TMPRSS15: variants seen among roughly 807,000 people sequenced by gnomAD.
The protein encoded by TMPRSS15 is enteropeptidase.
A neutral mutation model predicts 125.3 loss-of-function variants in TMPRSS15; 128 were observed. That is an observed-to-expected ratio of 1.02 (90% confidence interval 0.89 to 1.18). The LOEUF (loss-of-function observed/expected upper bound fraction) is 1.18. Ranked by LOEUF, TMPRSS15 falls within the 50% of genes most tolerant of loss-of-function variation. The pLI, the probability that TMPRSS15 is intolerant of heterozygous loss-of-function variation, is 0.00. For missense variants in TMPRSS15, 1,283 were observed against 1,212.7 expected (o/e 1.06, Z -0.86); for synonymous variants, 446 against 423.2 (o/e 1.05, Z -0.66).
intron 14 of TMPRSS15, among the ~76,000 whole-genome samples, chr21:18,331,860 G>A (rs1000960996): frequency 2.0e-5 from 3 of 152,156 alleles, no homozygotes; most frequent in Admixed American, 2.0e-4. Context: ...GGAAATGAAT[G>A]AAATAATGTA....
intron 18 of TMPRSS15, among the ~76,000 whole-genome samples, chr21:18,311,538 A>G (rs1046182352): frequency 6.6e-6 from 1 of 152,196 alleles, no homozygotes; most frequent in Non-Finnish European, 1.5e-5. Flanking sequence ...CCACAATGAG[A>G]TATCTCTCAC....
intron 1 of TMPRSS15, among the ~76,000 whole-genome samples, chr21:18,430,531 A>G (rs1261213179): frequency 1.3e-5 from 2 of 152,264 alleles, no homozygotes; most frequent in East Asian, 3.9e-4. Context: ...AGCTTGTCCA[A>G]CTAGTGTGGC....
chr21:18,331,811 G>A (rs527873446), intron 14 of TMPRSS15, among the ~76,000 whole-genome samples: 48 of 152,216 alleles, frequency 3.2e-4, no homozygotes, highest in Middle Eastern at 3.4e-3. Flanking sequence ...TCTAAATTTG[G>A]AATTATAATA....
At chr21:18,435,313 C>T (rs1357979810) in intron 1 of TMPRSS15, among the ~76,000 whole-genome samples, 1 of 152,152 alleles carries the variant, frequency 6.6e-6, no homozygotes, top group Non-Finnish European at 1.5e-5. Flanking sequence ...CCATCAATAC[C>T]TAATTCATTG....
At chr21:18,372,546 C>T (rs1241288220) in intron 5 of TMPRSS15, among the ~76,000 whole-genome samples, 1 of 152,134 alleles carries the variant, frequency 6.6e-6, no homozygotes, top group Non-Finnish European at 1.5e-5. Context: ...ACATCATCTG[C>T]AACATCTAGC....
At chr21:18,379,801 A>G (rs2123041818) in intron 4 of TMPRSS15, among the ~76,000 whole-genome samples, 1 of 152,266 alleles carries the variant, frequency 6.6e-6, no homozygotes, top group Non-Finnish European at 1.5e-5. Flanking sequence ...TCTTTCAAAT[A>G]GAAAAGTATT....
chr21:18,342,687 T>C (rs2075461053), intron 12 of TMPRSS15, among the ~76,000 whole-genome samples: 1 of 151,872 alleles, frequency 6.6e-6, no homozygotes, highest in East Asian at 1.9e-4. Context: ...AGAGGAAACG[T>C]CCCATAAAAG....
In TMPRSS15 at chr21:18,352,896, A is replaced by G. The variant is rs1175339562; in HGVS notation, c.1171+7T>C. The stretch of plus-strand genomic sequence containing the variant: ...TCCTTTTGACTTCTGAATTAAATGA[A>G]TTATACCTGAAGCATTGCCAAAAGT... On this transcript the variant is annotated splice_region_variant and intron_variant, in intron 10 of 24. Coordinates refer to ENST00000284885, the MANE Select transcript of TMPRSS15 (RefSeq NM_002772.3). 6.2e-7 allele frequency: 1 copy of G among 1,611,710 alleles called. No homozygotes were observed. The highest frequency in any genetic ancestry group is 1.1e-5 in the South Asian group (1 of 91,040).
chr21:18,290,323 A>G (rs892189862), intron 21 of TMPRSS15, among the ~76,000 whole-genome samples: 1 of 113,670 alleles, frequency 8.8e-6, no homozygotes, highest in Non-Finnish European at 1.9e-5. Context: ...TGTTTACCAA[A>G]ATACAGAAAT....
At chr21:18,425,068 C>G (rs1316161647) in intron 1 of TMPRSS15, among the ~76,000 whole-genome samples, 1 of 151,448 alleles carries the variant, frequency 6.6e-6, no homozygotes, top group South Asian at 2.1e-4. Flanking sequence ...AGAGTAATCC[C>G]TATCAATGGA....
chr21:18,424,411 G>A (rs1187015110), intron 1 of TMPRSS15, among the ~76,000 whole-genome samples: 1 of 152,128 alleles, frequency 6.6e-6, no homozygotes, highest in Non-Finnish European at 1.5e-5. Context: ...CAACACTCTT[G>A]TTTTGACATC....
intron 1 of TMPRSS15, among the ~76,000 whole-genome samples, chr21:18,431,029 A>T (rs2076215632): frequency 1.3e-5 from 2 of 152,218 alleles, no homozygotes; most frequent in Non-Finnish European, 2.9e-5. Context: ...AGCAATCCAT[A>T]GGAAGGAACT....
At chr21:18,412,992 C>T (rs2076169865) in intron 1 of TMPRSS15, among the ~76,000 whole-genome samples, 10 of 152,268 alleles carry the variant, frequency 6.6e-5, no homozygotes, top group Middle Eastern at 6.8e-3. Flanking sequence ...TGATCATTCT[C>T]TATCTGTATT....
At chr21:18,390,792 T>C (rs565474474) in intron 3 of TMPRSS15, among the ~76,000 whole-genome samples, 212 of 152,266 alleles carry the variant, frequency 1.4e-3, no homozygotes, top group Middle Eastern at 3.4e-3. Context: ...TATTAATCCA[T>C]TTTTACACTA....
At chr21:18,320,732 T>G (rs139224210) in intron 16 of TMPRSS15, among the ~76,000 whole-genome samples, 1 of 152,196 alleles carries the variant, frequency 6.6e-6, no homozygotes, top group Non-Finnish European at 1.5e-5. Context: ...ATCTGAGAAG[T>G]ATAAATAAGC....
chr21:18,411,399 C>A (rs1334149810), intron 1 of TMPRSS15, among the ~76,000 whole-genome samples: 1 of 151,808 alleles, frequency 6.6e-6, no homozygotes, highest in Non-Finnish European at 1.5e-5. Context: ...ATCTTAAAAT[C>A]ACTTTCCTTT....
chr21:18,281,572 G>C (rs1325275535), intron 21 of TMPRSS15, among the ~76,000 whole-genome samples: 3 of 152,050 alleles, frequency 2.0e-5, no homozygotes, highest in Non-Finnish European at 2.9e-5. Flanking sequence ...ACTGGGTCTG[G>C]AATAGTCCAC....
At chr21:18,286,022 T>C (rs1054694676) in intron 21 of TMPRSS15, among the ~76,000 whole-genome samples, 1 of 152,246 alleles carries the variant, frequency 6.6e-6, no homozygotes, top group Non-Finnish European at 1.5e-5. Context: ...CAGAAGTAAG[T>C]ACAGCAAACC....
chr21:18,374,172 G>A (rs919698144), intron 5 of TMPRSS15, among the ~76,000 whole-genome samples: 1 of 152,148 alleles, frequency 6.6e-6, no homozygotes, highest in Non-Finnish European at 1.5e-5. Context: ...ATTTAGTGAT[G>A]TGTGAAGAGT....
Sources: allele counts gnomAD v4.1 joint callset (sites outside exome capture counted in the v4.1 genomes callset), GRCh38; gene constraint gnomAD v4.1.1; transcripts MANE v1.5; gene names NCBI Gene and HGNC (gene_info 2026-07-23, HGNC 2026-07-21).